The following EML6 variants were observed in gnomAD, a reference collection of about 807,000 sequenced individuals.
EML6 encodes the protein echinoderm microtubule-associated protein-like 6.
A neutral mutation model predicts 240.1 loss-of-function variants in EML6; 154 were observed. The observed-to-expected ratio is 0.64, with a 90% confidence interval of 0.56 to 0.73. EML6 has a LOEUF of 0.73. Ranked by LOEUF, EML6 falls within the 30% of genes least tolerant of loss-of-function variation. The pLI is 0.00. For synonymous variants in EML6, 1,148 were observed against 899.0 expected, an observed-to-expected ratio of 1.28 and a Z score of -4.95; for missense variants, 2,964 against 2,474.6, an observed-to-expected ratio of 1.20 and a Z score of -4.20.
At chr2:54,962,479 A>G in intron 35 of EML6, 44 bp from the exon 36 acceptor site, 1 of 1,434,242 alleles carries the variant, frequency 7.0e-7, no homozygotes, top group South Asian at 1.4e-5. Flanking sequence ...GAGTGCAGTC[A>G]TACAGTATTT....
At chr2:54,813,509 C>G in intron 3 of EML6, 118 bp downstream of exon 3, 1 of 873,970 alleles carries the variant, frequency 1.1e-6, no homozygotes, top group Non-Finnish European at 1.8e-6. Flanking sequence ...TCTGGCACAG[C>G]CTCCTAGAAT....
chr2:54,967,912 G>A (rs538454577), intron 39 of EML6, among the ~76,000 whole-genome samples: 10 of 152,288 alleles, frequency 6.6e-5, no homozygotes, highest in Admixed American at 2.0e-4. Flanking sequence ...GACAGGAGGC[G>A]GAGTTCAGGT....
intron 2 of EML6, among the ~76,000 whole-genome samples, chr2:54,757,405 A>G (rs1206678770): frequency 1.3e-5 from 2 of 152,146 alleles, no homozygotes; most frequent in Non-Finnish European, 2.9e-5. Context: ...CAATGTCAGG[A>G]TGGAGGGGCA....
At chr2:54,879,759 C>CTTA in intron 17 of EML6, 119 bp downstream of exon 17, 1 of 680,832 alleles carries the variant, frequency 1.5e-6, no homozygotes, top group Non-Finnish European at 2.5e-6. Flanking sequence ...ACGTAGAAGG[C>CTTA]TTAGCACCTA....
chr2:54,746,698 G>A (rs1344407902), intron 2 of EML6, among the ~76,000 whole-genome samples: 3 of 152,060 alleles, frequency 2.0e-5, no homozygotes, highest in African/African-American at 4.8e-5. Flanking sequence ...GCTAGAAAAC[G>A]ATTGATCTGT....
At chr2:54,739,485 AC>A (rs949235193) in intron 2 of EML6, among the ~76,000 whole-genome samples, 3 of 152,166 alleles carry the variant, frequency 2.0e-5, no homozygotes, top group African/African-American at 7.2e-5. Context: ...GGGTACATGG[AC>A]CCCCAGGTTA....
At chr2:54,933,800 C>T (rs1193828536) in intron 28 of EML6, among the ~76,000 whole-genome samples, 1 of 152,100 alleles carries the variant, frequency 6.6e-6, no homozygotes, top group South Asian at 2.1e-4. Flanking sequence ...TGCAGTTATG[C>T]CACCTTCCCA....
rs1668065551 is a variant in EML6, at chr2:54,816,005, G to T, written c.358-782G>T. Among the ~76,000 whole-genome samples, 6 of 152,172 alleles carry T rather than the reference G, an allele frequency of 3.9e-5. 1 individual carries two copies. Among genetic ancestry groups the T allele is most frequent in the Admixed American group, 3.9e-4 (6 of 15,278 alleles). On this transcript the variant is annotated intron_variant, in intron 3 of 41. Coordinates refer to ENST00000356458, the MANE Select transcript of EML6 (RefSeq NM_001039753.4). ...CCCATTGTACAAATGAGAAAAGTGA[G>T]ATTTAAGGAGGTTAATTTTGCAAGG... is the stretch of plus-strand genomic sequence containing the variant.
intron 28 of EML6, among the ~76,000 whole-genome samples, chr2:54,934,791 G>A (rs1050646139): frequency 3.9e-5 from 6 of 151,982 alleles, no homozygotes; most frequent in Admixed American, 2.6e-4. Context: ...TGGCTCAAGC[G>A]GTCTTACACC....
intron 19 of EML6, among the ~76,000 whole-genome samples, chr2:54,894,653 G>A (rs1035113707): frequency 2.0e-5 from 3 of 152,204 alleles, no homozygotes; most frequent in Non-Finnish European, 4.4e-5. Context: ...TCCTTGATCA[G>A]TGGGCCAGCT....
intron 2 of EML6, among the ~76,000 whole-genome samples, chr2:54,799,699 T>C (rs1482689236): frequency 6.6e-6 from 1 of 152,138 alleles, no homozygotes; most frequent in Non-Finnish European, 1.5e-5. Context: ...ACAGAGACCA[T>C]ATGACCATCA....
At chr2:54,948,003 A>G (rs1294644660) in intron 28 of EML6, among the ~76,000 whole-genome samples, 2 of 152,176 alleles carry the variant, frequency 1.3e-5, no homozygotes, top group Non-Finnish European at 2.9e-5. Context: ...TGCTGCTTTC[A>G]AGGGGATCAA....
intron 35 of EML6, among the ~76,000 whole-genome samples, chr2:54,961,128 A>G (rs1195815147): frequency 6.9e-6 from 1 of 145,544 alleles, no homozygotes; most frequent in Non-Finnish European, 1.5e-5. Context: ...CTGGAAGGGT[A>G]GTTATGGGAG....
intron 2 of EML6, among the ~76,000 whole-genome samples, chr2:54,778,465 C>T (rs1475460062): frequency 2.0e-5 from 3 of 152,134 alleles, no homozygotes; most frequent in East Asian, 1.9e-4. Context: ...AAGTCAGCTA[C>T]GTTTCCAAAT....
intron 11 of EML6, among the ~76,000 whole-genome samples, chr2:54,857,168 CTTG>C (rs1457826866): frequency 1.3e-5 from 2 of 152,094 alleles, no homozygotes; most frequent in Non-Finnish European, 2.9e-5. Flanking sequence ...GTCTGTTTTC[CTTG>C]TTGTAAGTTA....
At chr2:54,760,484 G>A (rs1163776400) in intron 2 of EML6, among the ~76,000 whole-genome samples, 3 of 151,980 alleles carry the variant, frequency 2.0e-5, no homozygotes, top group Admixed American at 6.6e-5. Flanking sequence ...GGCCCTCTAG[G>A]GAGATATCTA....
chr2:54,889,855 C>A (rs545501563), intron 17 of EML6, among the ~76,000 whole-genome samples: 125 of 152,196 alleles, frequency 8.2e-4, no homozygotes, highest in Non-Finnish European at 1.4e-3. Flanking sequence ...CATTAAGTAA[C>A]AGTCCTTGGA....
chr2:54,970,421 G>C lies in EML6; in HGVS notation c.*326G>C, dbSNP rs748806381. 6.2e-6 allele frequency: 2 copies of C among 323,132 alleles called. No individual in the cohort carries two copies. Among genetic ancestry groups the C allele is most frequent in the Non-Finnish European group, 1.2e-5 (2 of 173,092 alleles). 20.0% of individuals were successfully genotyped at this position (323,132 alleles called of 1,614,324 possible). The stretch of plus-strand genomic sequence containing the variant: ...CCCGCTGACGAATTTTGAAGCCTCG[G>C]TTACCCTAACCAATATGTAGCTTTT... On this transcript the variant is annotated 3_prime_UTR_variant, in exon 42 of 42. Transcript: ENST00000356458.
chr2:54,885,721 C>A lies in EML6; in HGVS notation c.2439-5333C>A, dbSNP rs545056323. Among the ~76,000 whole-genome samples, 422 of 152,256 alleles carry A rather than the reference C, an allele frequency of 2.8e-3. 3 individuals carry two copies. The highest frequency in any genetic ancestry group is 9.8e-3 in the African/African-American group (409 of 41,552). ...CCACCTCCCAGGTTCACGCCATTCT[C>A]TTGCCTCAGCCTCCTGAGTAGCTGG... On this transcript the variant is annotated intron_variant, in intron 17 of 41. Transcript: ENST00000356458.
Sources: allele counts gnomAD v4.1 joint callset (sites outside exome capture counted in the v4.1 genomes callset), GRCh38; gene constraint gnomAD v4.1.1; transcripts MANE v1.5; gene names NCBI Gene and HGNC (gene_info 2026-07-23, HGNC 2026-07-21).